The following PRDM13 variants were observed in gnomAD, a reference collection of about 807,000 sequenced individuals.
The protein encoded by PRDM13 is PR/SET domain 13, also known as PR domain zinc finger protein 13.
In PRDM13, 15 loss-of-function variants were observed where a neutral mutation model predicts 36.4. That is an observed-to-expected ratio of 0.41 (90% CI 0.28 to 0.64). The LOEUF is 0.64. PRDM13 is among the 30% of genes least tolerant of loss of function. The pLI, the probability that PRDM13 is intolerant of heterozygous loss-of-function variation, is 0.29. For synonymous variants in PRDM13, 531 were observed against 467.7 expected (o/e 1.14, Z -1.75); for missense variants, 1,044 against 1,013.5 (o/e 1.03, Z -0.41).
At chr6:99,611,698 T>C (rs1770034217) in intron 3 of PRDM13, among the ~76,000 whole-genome samples, 1 of 152,200 alleles carries the variant, frequency 6.6e-6, no homozygotes, top group Non-Finnish European at 1.5e-5. Context: ...GATCTGGAAT[T>C]CTTCCCTATT....
Position 99,614,208 on chromosome 6 carries a change from C to G in PRDM13, c.1573C>G (p.His525Asp). 6.2e-7 allele frequency: 1 copy of G among 1,608,072 alleles called. No individual in the cohort carries two copies. ...LASIDREIAM[H>D]NQQLSEMAAG... is the part of the protein sequence containing the mutation. Reference sequence around the variant, plus strand: ...CAGCATCGACCGAGAGATCGCCATGCACAATCAGCAGCTGTCCGAGATGGC... The same window carrying G: ...CAGCATCGACCGAGAGATCGCCATGGACAATCAGCAGCTGTCCGAGATGGC... The change falls in exon 4 of 4, where the codon CAC becomes GAC. Residue 525 changes from histidine to aspartate, a missense_variant. Around this residue, in one of 3 missense-constraint regions of PRDM13, gnomAD observed 921 missense variants for 865.2 expected, o/e 1.06. Transcript: ENST00000369215.
At position 99,615,040 on chromosome 6, in the gene PRDM13, A is replaced by C; in HGVS notation, c.*281A>C. The C allele has an allele frequency of 2.1e-6, 1 of 482,936 alleles. No homozygotes were observed. The highest frequency in any genetic ancestry group is 3.6e-6 in the Non-Finnish European group (1 of 276,274). The allele number at this position is 482,936 out of a possible 1,614,324, so 29.9% of individuals were successfully genotyped here. The stretch of plus-strand genomic sequence containing the variant: ...GACTTCTTGGATGAGCTCACCCTGA[A>C]CCGCCCAGGCGGTCTGCTCTTGGTG... On this transcript the variant is annotated 3_prime_UTR_variant, in exon 4 of 4. Coordinates refer to ENST00000369215, the MANE Select transcript of PRDM13 (RefSeq NM_021620.4).
rs1011273136 is a variant in PRDM13 at position 99,613,479 on chromosome 6, G to T, written c.844G>T (p.Val282Phe). Residue 282 changes from valine to phenylalanine, a missense_variant, in exon 4 of 4, where the codon GTC becomes TTC. Val to Phe is a conservative substitution (Grantham distance 50, BLOSUM62 -1). Coordinates refer to ENST00000369215, the MANE Select transcript of PRDM13 (RefSeq NM_021620.4). This position sits in a 1 kb window ranked among gnomAD's most constrained non-coding sequence, Gnocchi z 6.1. ...CATCGTGGGCGGCTCCTCGGCGGGG[G>T]TCGGCAGCCTGGCTTTCTACCCCGG... ...LGIVGGSSAGVGSLAFYPGVR... is the reference protein window; with the variant it reads ...LGIVGGSSAGFGSLAFYPGVR... The T allele has an allele frequency of 6.5e-7, 1 of 1,532,360 alleles. No individual in the cohort carries two copies. The allele number at this position is 1,532,360 out of a possible 1,614,324, so 94.9% of individuals were successfully genotyped here. A position where few individuals can be genotyped will look rare whatever the true frequency, so the allele number is the denominator to read the frequency against.
intron 3 of PRDM13, among the ~76,000 whole-genome samples, chr6:99,612,415 G>A (rs1434653990): frequency 1.3e-5 from 2 of 152,134 alleles, no homozygotes; most frequent in African/African-American, 4.8e-5. Flanking sequence ...GTCCCTATGT[G>A]GTCCTTCAGT....
chr6:99,611,163 A>T (rs1770025894), intron 3 of PRDM13, among the ~76,000 whole-genome samples: 1 of 152,210 alleles, frequency 6.6e-6, no homozygotes, highest in Non-Finnish European at 1.5e-5. Context: ...GCTTGGAAAG[A>T]GGAAGAAATA....
rs938253533 is a variant in PRDM13, at chr6:99,613,652, C to G, written c.1017C>G (p.Pro339=). 11 of 1,428,308 alleles carry G rather than the reference C, an allele frequency of 7.7e-6. No individual in the cohort carries two copies. The highest frequency in any genetic ancestry group is 1.5e-5 in the African/African-American group (1 of 65,958). The allele number at this position is 1,428,308 out of a possible 1,614,324, so 88.5% of individuals were successfully genotyped here. A position where few individuals can be genotyped will look rare whatever the true frequency, so the allele number is the denominator to read the frequency against. The part of the protein sequence containing the change: ...LLGGGRACGR[P]GSGENSAAGG... ...GCGGGGGCCGGGCGTGCGGGCGCCC[C>G]GGGAGCGGGGAGAACTCGGCGGCGG... Residue 339 remains proline (P), a synonymous_variant, in exon 4 of 4, where the codon CCC becomes CCG. Coordinates refer to ENST00000369215, the MANE Select transcript of PRDM13 (RefSeq NM_021620.4). This position sits in a 1 kb window ranked among gnomAD's most constrained non-coding sequence, Gnocchi z 6.1.
Position 99,608,595 on chromosome 6 carries a change from TCTC to T in PRDM13, c.145-138_145-136del, listed in dbSNP as rs1769986245. The T allele has an allele frequency of 4.6e-6, 5 of 1,080,500 alleles. No individual in the cohort carries two copies. The African/African-American group carries it at 4.8e-5, about 10-fold the overall frequency. The allele number at this position is 1,080,500 out of a possible 1,614,324, so 66.9% of individuals were successfully genotyped here. A position where few individuals can be genotyped will look rare whatever the true frequency, so the allele number is the denominator to read the frequency against. Reference sequence around the variant, plus strand: ...TCCCCGAAGCAAGGTCCTAAGGAATTCTCCTCCTCCCAGTAGCCCATAGTGGTC... The same window carrying T: ...TCCCCGAAGCAAGGTCCTAAGGAATTCTCCTCCCAGTAGCCCATAGTGGTC... On this transcript the variant is annotated intron_variant, in intron 1 of 3. Transcript: ENST00000369215.
rs758334380 is a variant in PRDM13, at chr6:99,609,241, T to C, written c.331T>C (p.Tyr111His). ...VQPGEELTVW[Y>H]SNSLAQWFDI... ...GCCAGGGGAGGAGCTGACAGTGTGGTATTCTAACTCCTTGGCTCAGTGGTT... is the reference window on the plus strand; with the variant it reads ...GCCAGGGGAGGAGCTGACAGTGTGGCATTCTAACTCCTTGGCTCAGTGGTT... The change falls in exon 3 of 4, where the codon TAT becomes CAT. Residue 111 changes from tyrosine (Y) to histidine (H), a missense_variant. Around this residue, in one of 3 missense-constraint regions of PRDM13, gnomAD observed 921 missense variants for 865.2 expected, o/e 1.06. Transcript: ENST00000369215. 1 of 1,613,568 alleles carries C rather than the reference T, an allele frequency of 6.2e-7. No individual in the cohort carries two copies. The highest frequency in any genetic ancestry group is 8.5e-7 in the Non-Finnish European group (1 of 1,179,530).
In PRDM13 at chr6:99,608,777, G is replaced by C; in HGVS notation, c.181G>C (p.Gly61Arg). The change falls in exon 2 of 4, where the codon GGG (glycine) becomes CGG (arginine). Residue 61 changes from glycine to arginine, a missense_variant. Physicochemically the swap from Gly to Arg is moderately radical, Grantham distance 125 (BLOSUM62 -2). Coordinates refer to ENST00000369215, the MANE Select transcript of PRDM13 (RefSeq NM_021620.4). ...MVRGELVDES[G>R]GSPLEWIGLI... is the part of the protein sequence containing the mutation. ...GAGAGGGGAGCTGGTGGACGAGTCG[G>C]GGGGCTCCCCTCTGGAGTGGATAGG... 3 of 1,612,448 alleles carry C rather than the reference G, an allele frequency of 1.9e-6. No homozygotes were observed. The South Asian group carries it at 3.3e-5, about 18-fold the overall frequency.
In PRDM13 at chr6:99,614,204, C is replaced by T; in HGVS notation, c.1569C>T (p.Ala523=). Residue 523 remains alanine, a synonymous_variant, in exon 4 of 4, where the codon GCC becomes GCT. Transcript: ENST00000369215. The part of the protein sequence containing the change: ...GSLASIDREI[A]MHNQQLSEMA... ...TGGCCAGCATCGACCGAGAGATCGC[C>T]ATGCACAATCAGCAGCTGTCCGAGA... The T allele has an allele frequency of 6.2e-7, 1 of 1,607,878 alleles. No homozygotes were observed. The highest frequency in any genetic ancestry group is 8.5e-7 in the Non-Finnish European group (1 of 1,178,922).
intron 2 of PRDM13, 124 bp downstream of exon 2, chr6:99,608,996 C>G: frequency 7.0e-7 from 1 of 1,423,684 alleles, no homozygotes; most frequent in East Asian, 2.4e-5. Flanking sequence ...ATTTAAACGT[C>G]TCGACAACCC....
chr6:99,614,474 C>T lies in PRDM13; in HGVS notation c.1839C>T (p.Pro613=). ...CKVCLRPFGD[P]SNLNKHIRLH... Reference sequence around the variant, plus strand: ...TCTGTCTGCGGCCCTTCGGCGACCCCAGCAATCTCAACAAGCACATCCGGC... The same window carrying T: ...TCTGTCTGCGGCCCTTCGGCGACCCTAGCAATCTCAACAAGCACATCCGGC... Residue 613 remains proline (P), a synonymous_variant, in exon 4 of 4, where the codon CCC becomes CCT. Transcript: ENST00000369215. The T allele has an allele frequency of 6.2e-7, 1 of 1,613,486 alleles. No homozygotes were observed.
Position 99,609,202 on chromosome 6 carries a change from T to G in PRDM13, c.292T>G (p.Leu98Val). Residue 98 changes from leucine to valine, a missense_variant, in exon 3 of 4, where the codon TTG becomes GTG. Physicochemically the swap from Leu to Val is conservative, Grantham distance 32. Around this residue, in one of 3 missense-constraint regions of PRDM13, gnomAD observed 921 missense variants for 865.2 expected, o/e 1.06. Transcript: ENST00000369215. The part of the protein sequence containing the change: ...LPGGQIFYRA[L>V]RDVQPGEELT... ...TGCGTCCCAGATCTTCTACCGAGCA[T>G]TGCGAGACGTCCAGCCAGGGGAGGA... The G allele has an allele frequency of 6.2e-7, 1 of 1,613,804 alleles. No homozygotes were observed. The highest frequency in any genetic ancestry group is 1.7e-5 in the Admixed American group (1 of 60,010).
intron 3 of PRDM13, among the ~76,000 whole-genome samples, chr6:99,611,520 G>A (rs1335994899): frequency 6.6e-6 from 1 of 152,106 alleles, no homozygotes; most frequent in Non-Finnish European, 1.5e-5. Flanking sequence ...TAAACGATTA[G>A]GGTAGGGTGT....
chr6:99,607,092 G>A lies in PRDM13; in HGVS notation c.58G>A (p.Ala20Thr). ...TSVSADCCIPAGLRLGPVPGT... is the reference protein window; with the variant it reads ...TSVSADCCIPTGLRLGPVPGT... ...CGTGAGTGCCGACTGCTGCATCCCG[G>A]CCGGCTTGCGCCTCGGACCGGTGCC... is the stretch of plus-strand genomic sequence containing the variant. The change falls in exon 1 of 4, where the codon GCC becomes ACC. Residue 20 changes from alanine (A) to threonine (T), a missense_variant. Coordinates refer to ENST00000369215, the MANE Select transcript of PRDM13 (RefSeq NM_021620.4). 2 of 1,613,556 alleles carry A rather than the reference G, an allele frequency of 1.2e-6. No individual in the cohort carries two copies. Among genetic ancestry groups the A allele is most frequent in the Non-Finnish European group, 1.7e-6 (2 of 1,179,940 alleles).
Position 99,608,787 on chromosome 6 carries a change from C to T in PRDM13, c.191C>T (p.Pro64Leu). ...CTGGTGGACGAGTCGGGGGGCTCCC[C>T]TCTGGAGTGGATAGGGTTAATCCGG... ...GELVDESGGS[P>L]LEWIGLIRAA... Residue 64 changes from proline to leucine, a missense_variant, in exon 2 of 4, where the codon CCT (proline) becomes CTT (leucine). Coordinates refer to ENST00000369215, the MANE Select transcript of PRDM13 (RefSeq NM_021620.4). The T allele has an allele frequency of 1.9e-6, 3 of 1,613,534 alleles. No individual in the cohort carries two copies. The highest frequency in any genetic ancestry group is 2.5e-6 in the Non-Finnish European group (3 of 1,179,826).
chr6:99,613,932 C>A lies in PRDM13; in HGVS notation c.1297C>A (p.Arg433Ser). ...CCCTGCGCCGGGGTTGCCCCTCGAG[C>A]GCTGCGCGCTGCCGCCCCTCGACCC... ...LPPAPGLPLE[R>S]CALPPLDPGG... is the part of the protein sequence containing the mutation. Residue 433 changes from arginine (R) to serine (S), a missense_variant, in exon 4 of 4, where the codon CGC becomes AGC. This residue lies in a region of PRDM13 where 921 missense variants were observed against 865.2 expected (regional missense o/e 1.06). Transcript: ENST00000369215. This position sits in a 1 kb window ranked among gnomAD's most constrained non-coding sequence, Gnocchi z 6.1. 2 of 1,587,762 alleles carry A rather than the reference C, an allele frequency of 1.3e-6. No individual in the cohort carries two copies. The highest frequency in any genetic ancestry group is 1.7e-6 in the Non-Finnish European group (2 of 1,171,294).
At position 99,608,645 on chromosome 6, in the gene PRDM13, C is replaced by T. The variant is rs568068143; in HGVS notation, c.145-96C>T. The T allele has an allele frequency of 3.4e-6, 5 of 1,487,758 alleles. No individual in the cohort carries two copies. The South Asian group carries it at 5.6e-5, about 17-fold the overall frequency. 92.2% of individuals were successfully genotyped at this position (1,487,758 alleles called of 1,614,324 possible). The stretch of plus-strand genomic sequence containing the variant: ...GGTCTGGCCAAACCAAAAACAACCA[C>T]TTTCCTGTGTTGGGTTGGGGTGGAG... On this transcript the variant is annotated intron_variant, in intron 1 of 3. Coordinates refer to ENST00000369215, the MANE Select transcript of PRDM13 (RefSeq NM_021620.4).
rs760823441 is a variant in PRDM13 at position 99,607,255 on chromosome 6, G to A, written c.144+77G>A. On this transcript the variant is annotated intron_variant, in intron 1 of 3. Transcript: ENST00000369215. ...ACCCGGGAAAGGGGTACGAGAGAAA[G>A]TGGAGGAAGGGAGTGATTGAGTCGT... The A allele has an allele frequency of 3.8e-6, 6 of 1,571,274 alleles. No individual in the cohort carries two copies. The Admixed American group carries it at 8.7e-5, about 23-fold the overall frequency.
Sources: gnomAD v4.1 joint callset for allele counts (sites outside exome capture counted in the v4.1 genomes callset) on GRCh38, gnomAD v4.1.1 for gene constraint, gnomAD v4.1.1 regional missense constraint, Gnocchi (gnomAD v3.1) non-coding constraint, MANE v1.5 for transcripts, NCBI Gene and HGNC (gene_info 2026-07-23, HGNC 2026-07-21) for gene names.